The following ATRNL1 variants were observed in gnomAD, a reference collection of about 807,000 sequenced individuals.
ATRNL1 encodes attractin like 1, also known as attractin-like protein 1.
In ATRNL1, 95 loss-of-function variants were observed where a neutral mutation model predicts 182.7. The observed-to-expected ratio is 0.52, with a 90% CI of 0.44 to 0.62. The LOEUF is 0.62. Among genes scored for constraint, ATRNL1 ranks in the 20% least tolerant of loss-of-function variants. ATRNL1 has a pLI of 0.00. For missense variants in ATRNL1, 1,471 were observed against 1,679.5 expected (o/e 0.88, Z 2.17); for synonymous variants, 576 against 568.3 (o/e 1.01, Z -0.19).
chr10:115,607,663 T>A (rs962290985), intron 26 of ATRNL1, among the ~76,000 whole-genome samples: 1 of 151,904 alleles, frequency 6.6e-6, no homozygotes, highest in Non-Finnish European at 1.5e-5. Context: ...CAGTATCTTT[T>A]CTTTAGTTCC....
chr10:115,105,352 GC>G (rs1554865642), intron 1 of ATRNL1, among the ~76,000 whole-genome samples: 1 of 152,144 alleles, frequency 6.6e-6, no homozygotes, highest in East Asian at 1.9e-4. Context: ...GCTGTTAAAG[GC>G]ATTCCATTCT....
At chr10:115,468,010 T>C (rs1216354454) in intron 23 of ATRNL1, among the ~76,000 whole-genome samples, 3 of 150,838 alleles carry the variant, frequency 2.0e-5, no homozygotes, top group Non-Finnish European at 4.5e-5. Context: ...TAAATCATTA[T>C]GCTATTTTAA....
intron 28 of ATRNL1, among the ~76,000 whole-genome samples, chr10:115,866,779 CA>C (rs1951449416): frequency 6.6e-6 from 1 of 152,076 alleles, no homozygotes; most frequent in South Asian, 2.1e-4. Context: ...AGAAAAGCTA[CA>C]AGGGATTTTA....
At chr10:115,746,631 G>A (rs1948300167) in intron 27 of ATRNL1, among the ~76,000 whole-genome samples, 1 of 151,810 alleles carries the variant, frequency 6.6e-6, no homozygotes, top group Non-Finnish European at 1.5e-5. Flanking sequence ...TATAATCCTA[G>A]GAGTACTTTC....
At chr10:115,391,493 A>G (rs187216751) in intron 19 of ATRNL1, among the ~76,000 whole-genome samples, 41 of 152,258 alleles carry the variant, frequency 2.7e-4, no homozygotes, top group Admixed American at 5.9e-4. Context: ...TTGCAGTCCA[A>G]TGAAAAGTTG....
chr10:115,453,368 T>C (rs1159969512), intron 21 of ATRNL1, among the ~76,000 whole-genome samples: 1 of 152,146 alleles, frequency 6.6e-6, no homozygotes, highest in Non-Finnish European at 1.5e-5. Context: ...TGCCCAGTTT[T>C]AATTGGGTTG....
intron 27 of ATRNL1, among the ~76,000 whole-genome samples, chr10:115,832,622 T>A (rs1555094098): frequency 6.6e-6 from 1 of 152,226 alleles, no homozygotes; most frequent in African/African-American, 2.4e-5. Context: ...GGAATTATGA[T>A]AAGTCTGAGT....
chr10:115,308,971 A>G (rs1333418109), intron 17 of ATRNL1, among the ~76,000 whole-genome samples: 1 of 152,114 alleles, frequency 6.6e-6, no homozygotes, highest in African/African-American at 2.4e-5. Flanking sequence ...TCTTCTACAT[A>G]TGTTGATCCA....
chr10:115,565,005 T>C (rs989102171), intron 26 of ATRNL1, among the ~76,000 whole-genome samples: 1 of 152,030 alleles, frequency 6.6e-6, no homozygotes, highest in Admixed American at 6.6e-5. Context: ...TTTTGAACAC[T>C]TTATATCTTT....
intron 28 of ATRNL1, among the ~76,000 whole-genome samples, chr10:115,944,255 T>TTTTTTTTTTTTTTTTTTTTTTTTTTTTG (rs1555124893): frequency 7.2e-6 from 1 of 138,028 alleles, no homozygotes; most frequent in African/African-American, 2.7e-5. Flanking sequence ...GAAATGTTTT[T>TTTTTTTTTTTTTTTTTTTTTTTTTTTTG]AAAAATCTTA....
chr10:115,129,096 C>G (rs952312721), intron 4 of ATRNL1, among the ~76,000 whole-genome samples: 1 of 152,060 alleles, frequency 6.6e-6, no homozygotes, highest in Non-Finnish European at 1.5e-5. Context: ...CATTTGGAGT[C>G]TTGGTATCAA....
At chr10:115,106,827 A>T (rs1160320935) in intron 1 of ATRNL1, among the ~76,000 whole-genome samples, 1 of 152,086 alleles carries the variant, frequency 6.6e-6, no homozygotes, top group Non-Finnish European at 1.5e-5. Context: ...GTGTGTCTTT[A>T]TCAGCAGTGT....
chr10:115,748,027 A>G (rs1555069642), intron 27 of ATRNL1, among the ~76,000 whole-genome samples: 3 of 151,982 alleles, frequency 2.0e-5, no homozygotes, highest in Non-Finnish European at 2.9e-5. Context: ...TAGATTTCAT[A>G]TGAATTTGGG....
At chr10:115,863,500 A>G (rs1275749700) in intron 28 of ATRNL1, among the ~76,000 whole-genome samples, 13 of 152,240 alleles carry the variant, frequency 8.5e-5, no homozygotes, top group African/African-American at 3.1e-4. Context: ...CTGGGTAATG[A>G]GAGCTAGTTT....
intron 5 of ATRNL1, among the ~76,000 whole-genome samples, chr10:115,141,040 C>A (rs1845735935): frequency 6.6e-6 from 1 of 151,988 alleles, no homozygotes. Flanking sequence ...TATCATTTAT[C>A]CCTGTTTATA....
intron 27 of ATRNL1, among the ~76,000 whole-genome samples, chr10:115,841,381 A>G (rs1036803141): frequency 6.6e-6 from 1 of 152,078 alleles, no homozygotes; most frequent in African/African-American, 2.4e-5. Context: ...ATGGGTACAT[A>G]TGAGTGTGTG....
At chr10:115,388,769 G>A (rs1554953358) in intron 19 of ATRNL1, among the ~76,000 whole-genome samples, 1 of 151,482 alleles carries the variant, frequency 6.6e-6, no homozygotes, top group African/African-American at 2.4e-5. Context: ...TTGTAATTTT[G>A]TTCCATTACT....
chr10:115,674,891 T>A (rs1279512992), intron 26 of ATRNL1, among the ~76,000 whole-genome samples: 1 of 152,106 alleles, frequency 6.6e-6, no homozygotes, highest in Non-Finnish European at 1.5e-5. Flanking sequence ...CCAGCCTTTA[T>A]AACCCAGTTA....
chr10:115,775,977 A>AG (rs1949116554), intron 27 of ATRNL1, among the ~76,000 whole-genome samples: 1 of 150,982 alleles, frequency 6.6e-6, no homozygotes, highest in Admixed American at 6.6e-5. Flanking sequence ...AAAAAAAAAA[A>AG]GGAGAAAATG....
Sources: allele counts gnomAD v4.1 joint callset (sites outside exome capture counted in the v4.1 genomes callset), GRCh38; gene constraint gnomAD v4.1.1; transcripts MANE v1.5; gene names NCBI Gene and HGNC (gene_info 2026-07-23, HGNC 2026-07-21).